The following GLIS3 variants were observed in gnomAD, a reference collection of about 807,000 sequenced individuals.
GLIS3 encodes the protein GLIS family zinc finger 3.
In GLIS3, 53 loss-of-function variants were observed where a neutral mutation model predicts 78.6. The ratio of observed to expected loss-of-function variants is 0.67; its 90% CI spans 0.54 to 0.85. GLIS3 has a LOEUF of 0.85. Among genes scored for constraint, GLIS3 ranks in the 40% least tolerant of loss-of-function variants. The pLI, the probability that GLIS3 is intolerant of heterozygous loss-of-function variation, is 0.00. For missense variants in GLIS3, 1,703 were observed against 1,231.1 expected (o/e 1.38, Z -5.74); for synonymous variants, 684 against 509.9 (o/e 1.34, Z -4.60).
intron 2 of GLIS3, among the ~76,000 whole-genome samples, chr9:4,254,850 A>C (rs1824761740): frequency 6.6e-6 from 1 of 152,010 alleles, no homozygotes; most frequent in Admixed American, 6.6e-5. Flanking sequence ...AAAAAAAAAA[A>C]AAAAAGAAAA....
At chr9:4,481,141 C>A in the GLIS3 span, among the ~76,000 whole-genome samples, 1 of 151,888 alleles carries the variant, frequency 6.6e-6, no homozygotes, top group Non-Finnish European at 1.5e-5. Flanking sequence ...CAGGCATAAG[C>A]CACCTCACCC....
At chr9:3,953,399 T>G (rs1444334377) in intron 4 of GLIS3, among the ~76,000 whole-genome samples, 1 of 152,188 alleles carries the variant, frequency 6.6e-6, no homozygotes, top group African/African-American at 2.4e-5. Flanking sequence ...GATCATTCCT[T>G]CCAACAGTTT....
intron 2 of GLIS3, among the ~76,000 whole-genome samples, chr9:4,237,596 C>A (rs1472288344): frequency 6.6e-6 from 1 of 152,190 alleles, no homozygotes; most frequent in Non-Finnish European, 1.5e-5. Context: ...GTAGCACTTT[C>A]ATTACCAAAT....
At chr9:4,429,232 G>T in the GLIS3 span, among the ~76,000 whole-genome samples, 7 of 152,028 alleles carry the variant, frequency 4.6e-5, no homozygotes, top group Admixed American at 4.6e-4. Flanking sequence ...ATCTTCTGTG[G>T]CTTTCCCGCT....
intron 2 of GLIS3, among the ~76,000 whole-genome samples, chr9:4,171,208 T>C (rs1328293242): frequency 6.6e-6 from 1 of 152,168 alleles, no homozygotes; most frequent in Non-Finnish European, 1.5e-5. Flanking sequence ...AATATACATA[T>C]ACATATAAGT....
intron 4 of GLIS3, among the ~76,000 whole-genome samples, chr9:4,098,760 G>C (rs1269638607): frequency 6.6e-6 from 1 of 152,014 alleles, no homozygotes; most frequent in African/African-American, 2.4e-5. Context: ...AAATTCCAAG[G>C]ATCACGATTT....
chr9:4,084,417 A>G lies in GLIS3; in HGVS notation c.1710+33351T>C, dbSNP rs1828840787. On this transcript the variant is annotated intron_variant, in intron 4 of 10. Transcript: ENST00000381971. Reference sequence around the variant, plus strand: ...CAAGGAGAGGAAAAAATAATGGCAAATTGCTAATGCTATCAAGCCAAGAGC... The same window carrying G: ...CAAGGAGAGGAAAAAATAATGGCAAGTTGCTAATGCTATCAAGCCAAGAGC... Among the ~76,000 whole-genome samples, 5 of 152,190 alleles carry G rather than the reference A, an allele frequency of 3.3e-5. No homozygotes were observed. The South Asian group carries it at 1.0e-3, about 32-fold the overall frequency.
chr9:4,485,688 C>T, the GLIS3 span, among the ~76,000 whole-genome samples: 1 of 151,168 alleles, frequency 6.6e-6, no homozygotes, highest in African/African-American at 2.4e-5. Context: ...ATTGCACTAC[C>T]AGTGATCTAC....
At chr9:4,273,539 G>A (rs1826710028) in intron 2 of GLIS3, among the ~76,000 whole-genome samples, 1 of 152,004 alleles carries the variant, frequency 6.6e-6, no homozygotes, top group Middle Eastern at 3.2e-3. Flanking sequence ...GCTGCAGTGA[G>A]CTATGATGGT....
chr9:4,121,794 G>C (rs1832210708), intron 3 of GLIS3, among the ~76,000 whole-genome samples: 1 of 152,136 alleles, frequency 6.6e-6, no homozygotes, highest in Non-Finnish European at 1.5e-5. Flanking sequence ...TTAATTGAAA[G>C]ACCTGGTATA....
intron 2 of GLIS3, among the ~76,000 whole-genome samples, chr9:4,249,281 GTCCTCTCTTATT>G (rs1198347059): frequency 1.3e-5 from 2 of 152,064 alleles, no homozygotes; most frequent in Non-Finnish European, 2.9e-5. Flanking sequence ...CTTTGTTTGT[GTCCTCTCTTATT>G]TCTTTGAGCA....
the GLIS3 span, among the ~76,000 whole-genome samples, chr9:4,422,286 C>T: frequency 6.6e-6 from 1 of 152,198 alleles, no homozygotes; most frequent in Admixed American, 6.5e-5. Context: ...CCATAGGCCT[C>T]ATCAGATAAC....
the GLIS3 span, among the ~76,000 whole-genome samples, chr9:4,377,825 G>T: frequency 1.3e-5 from 2 of 152,072 alleles, no homozygotes; most frequent in Non-Finnish European, 2.9e-5. Context: ...TTTTAGTTGG[G>T]CAATGGAGGA....
At chr9:3,911,311 T>A (rs1274172524) in intron 6 of GLIS3, among the ~76,000 whole-genome samples, 1 of 152,256 alleles carries the variant, frequency 6.6e-6, no homozygotes, top group Non-Finnish European at 1.5e-5. Flanking sequence ...TTTCCATATG[T>A]TACGCTCTTT....
At chr9:4,049,863 G>A (rs1825577920) in intron 4 of GLIS3, among the ~76,000 whole-genome samples, 1 of 152,074 alleles carries the variant, frequency 6.6e-6, no homozygotes, top group South Asian at 2.1e-4. Context: ...ATCATCACTG[G>A]CCATCAGAGA....
chr9:4,188,789 T>C (rs1479221473), intron 2 of GLIS3, among the ~76,000 whole-genome samples: 4 of 152,144 alleles, frequency 2.6e-5, no homozygotes, highest in South Asian at 4.1e-4. Flanking sequence ...TGCGTAGAGG[T>C]GTTTGTAGTA....
At chr9:4,386,020 G>A in the GLIS3 span, among the ~76,000 whole-genome samples, 1 of 152,182 alleles carries the variant, frequency 6.6e-6, no homozygotes, top group African/African-American at 2.4e-5. Flanking sequence ...CATCTTTGCT[G>A]CCTCATCACT....
At chr9:4,170,543 C>A (rs12346278) in intron 2 of GLIS3, among the ~76,000 whole-genome samples, 1 of 152,152 alleles carries the variant, frequency 6.6e-6, no homozygotes, top group Non-Finnish European at 1.5e-5. Flanking sequence ...TAGGAGCACA[C>A]TTCAATCTTG....
intron 2 of GLIS3, among the ~76,000 whole-genome samples, chr9:4,246,955 C>G (rs1481958749): frequency 2.0e-5 from 3 of 152,314 alleles, no homozygotes; most frequent in Middle Eastern, 3.4e-3. Flanking sequence ...AGCCAGCTCA[C>G]AGCTAGTTTG....
Sources: gnomAD v4.1 joint callset for allele counts (sites outside exome capture counted in the v4.1 genomes callset) on GRCh38, gnomAD v4.1.1 for gene constraint, MANE v1.5 for transcripts, NCBI Gene and HGNC (gene_info 2026-07-23, HGNC 2026-07-21) for gene names.